PROS1: variants seen among roughly 807,000 people sequenced by gnomAD.
PROS1 encodes protein S.
In PROS1, 29 loss-of-function variants were observed where a neutral mutation model predicts 75.9. That is an observed-to-expected ratio of 0.38 (90% CI 0.28 to 0.52). PROS1 has a LOEUF of 0.52. PROS1 is among the 20% of genes least tolerant of loss of function. The pLI is 0.83. For synonymous variants in PROS1, 245 were observed against 280.6 expected (o/e 0.87, Z 1.27); for missense variants, 680 against 810.3 (o/e 0.84, Z 1.95).
At chr3:93,947,037 C>A (rs1053376907) in intron 1 of PROS1, among the ~76,000 whole-genome samples, 1 of 152,142 alleles carries the variant, frequency 6.6e-6, no homozygotes, top group African/African-American at 2.4e-5. Context: ...CAAAAGAAGA[C>A]ATTTATGCAG....
intron 3 of PROS1, among the ~76,000 whole-genome samples, chr3:93,919,806 G>T (rs1427079187): frequency 6.6e-6 from 1 of 152,046 alleles, no homozygotes; most frequent in Non-Finnish European, 1.5e-5. Context: ...TCTGCTAATA[G>T]CTGGCCATTC....
chr3:93,944,796 T>A (rs560772728), intron 1 of PROS1, among the ~76,000 whole-genome samples: 2 of 151,772 alleles, frequency 1.3e-5, no homozygotes, highest in South Asian at 4.2e-4. Flanking sequence ...AGGCAAGAAA[T>A]AACTAAGATC....
At chr3:93,957,117 ATATAT>A (rs905089386) in intron 1 of PROS1, among the ~76,000 whole-genome samples, 4 of 152,212 alleles carry the variant, frequency 2.6e-5, no homozygotes, top group Non-Finnish European at 5.9e-5. Context: ...TTTTGGTTAA[ATATAT>A]TATAATAAGC....
At position 93,873,154 on chromosome 3, in the gene PROS1, T is replaced by C. The variant is rs1708131734; in HGVS notation, c.*1091A>G. On this transcript the variant is annotated 3_prime_UTR_variant, in exon 15 of 15. Transcript: ENST00000394236. ...TTATTATAAGTGATATAAAATACAG[T>C]GAAAAGAATTTATTGTTAAAAACTG... 3 of 152,222 alleles carry C rather than the reference T, an allele frequency of 2.0e-5. No individual in the cohort carries two copies. The highest frequency in any genetic ancestry group is 1.9e-4 in the East Asian group (1 of 5,202). 9.4% of individuals were successfully genotyped at this position (152,222 alleles called of 1,614,324 possible).
intron 3 of PROS1, among the ~76,000 whole-genome samples, chr3:93,923,725 C>T (rs1351281746): frequency 1.3e-5 from 2 of 152,000 alleles, no homozygotes; most frequent in Non-Finnish European, 2.9e-5. Context: ...CATGGCGAAA[C>T]CCTGTCTCTA....
chr3:93,952,035 C>A (rs886802034), intron 1 of PROS1, among the ~76,000 whole-genome samples: 4 of 152,146 alleles, frequency 2.6e-5, no homozygotes, highest in African/African-American at 7.2e-5. Flanking sequence ...GAGCTAACAA[C>A]CCTAAATATA....
intron 1 of PROS1, among the ~76,000 whole-genome samples, chr3:93,957,989 G>A (rs548254668): frequency 1.0e-3 from 152 of 152,150 alleles, no homozygotes; most frequent in African/African-American, 3.6e-3. Context: ...TCAGGAGGCT[G>A]AGGCAGGAGA....
At position 93,951,683 on chromosome 3, in the gene PROS1, T is replaced by C. The variant is rs190469261; in HGVS notation, c.76+21991A>G. Among the ~76,000 whole-genome samples the C allele has an allele frequency of 2.4e-3, 372 of 152,244 alleles. 2 individuals carry two copies. The highest frequency in any genetic ancestry group is 8.4e-3 in the African/African-American group (350 of 41,548). On this transcript the variant is annotated intron_variant, in intron 1 of 14. Coordinates refer to ENST00000394236, the MANE Select transcript of PROS1 (RefSeq NM_000313.4). The stretch of plus-strand genomic sequence containing the variant: ...CCATCGATGCTAGGAAGAAACTGCA[T>C]CAGCTAACGAGCAAAATAAACAGTT...
intron 3 of PROS1, among the ~76,000 whole-genome samples, chr3:93,913,289 A>C (rs969675285): frequency 3.3e-5 from 5 of 152,304 alleles, no homozygotes; most frequent in African/African-American, 1.2e-4. Flanking sequence ...AATAATCCCC[A>C]TGTGTCAAGG....
At chr3:93,972,106 T>C (rs1458117765) in intron 1 of PROS1, among the ~76,000 whole-genome samples, 3 of 152,148 alleles carry the variant, frequency 2.0e-5, no homozygotes, top group Admixed American at 1.3e-4. Context: ...AATGTAACAA[T>C]CTCTACAAAG....
At chr3:93,884,056 A>G (rs1708311313) in intron 12 of PROS1, among the ~76,000 whole-genome samples, 1 of 152,232 alleles carries the variant, frequency 6.6e-6, no homozygotes, top group Admixed American at 6.5e-5. Flanking sequence ...GATTGATTCA[A>G]TCCCATTACT....
chr3:93,934,920 A>G, intron 1 of PROS1, among the ~76,000 whole-genome samples: 1 of 151,954 alleles, frequency 6.6e-6, no homozygotes. Context: ...ACTTCAATTT[A>G]CAGCCCCTTT....
chr3:93,928,164 G>A (rs1160080386), intron 1 of PROS1, among the ~76,000 whole-genome samples: 13 of 148,092 alleles, frequency 8.8e-5, no homozygotes, highest in Non-Finnish European at 1.6e-4. Flanking sequence ...ACTAGAATGC[G>A]CCACCACATA....
chr3:93,884,729 A>G lies in PROS1; in HGVS notation c.1491T>C (p.Tyr497=). Residue 497 remains tyrosine (Y), a splice_region_variant and synonymous_variant, in exon 12 of 15, where the codon TAT becomes TAC. Coordinates refer to ENST00000394236, the MANE Select transcript of PROS1 (RefSeq NM_000313.4). The part of the protein sequence containing the change: ...GSGIAQFHID[Y]NNVSSAEGWH... ...AGAGATAAATGGAAAATCACTTACT[A>G]TAATCTATGTGAAATTGAGCAATTC... The G allele has an allele frequency of 1.2e-6, 2 of 1,611,582 alleles. No homozygotes were observed. The highest frequency in any genetic ancestry group is 1.7e-6 in the Non-Finnish European group (2 of 1,177,956).
Position 93,973,888 on chromosome 3 carries a change from C to T in PROS1, c.-139G>A, listed in dbSNP as rs964399178. 2 of 587,534 alleles carry T rather than the reference C, an allele frequency of 3.4e-6. No individual in the cohort carries two copies. Among genetic ancestry groups the T allele is most frequent in the Non-Finnish European group, 5.2e-6 (2 of 384,518 alleles). 36.4% of individuals were successfully genotyped at this position (587,534 alleles called of 1,614,324 possible). A position where few individuals can be genotyped will look rare whatever the true frequency, so the allele number is the denominator to read the frequency against. ...GCGGCGCCAGCGACCCAGCGAGCCT[C>T]GGCGGAACAGCCGGGGGCGGAGGAG... is the stretch of plus-strand genomic sequence containing the variant. On this transcript the variant is annotated 5_prime_UTR_variant, in exon 1 of 15. Coordinates refer to ENST00000394236, the MANE Select transcript of PROS1 (RefSeq NM_000313.4).
At chr3:93,956,703 T>A (rs1167097312) in intron 1 of PROS1, among the ~76,000 whole-genome samples, 2 of 152,126 alleles carry the variant, frequency 1.3e-5, no homozygotes, top group East Asian at 1.9e-4. Flanking sequence ...GAGATTCCAG[T>A]ATTTGCCAAG....
At chr3:93,895,391 T>C (rs1708489564) in intron 9 of PROS1, among the ~76,000 whole-genome samples, 1 of 152,172 alleles carries the variant, frequency 6.6e-6, no homozygotes, top group Non-Finnish European at 1.5e-5. Flanking sequence ...TGCTCTGTGA[T>C]GTTAAAGGAA....
chr3:93,952,794 G>A (rs1159894833), intron 1 of PROS1, among the ~76,000 whole-genome samples: 3 of 152,122 alleles, frequency 2.0e-5, no homozygotes, highest in Non-Finnish European at 4.4e-5. Flanking sequence ...CCAAGAGCTG[G>A]CTTTTTGAAA....
chr3:93,927,915 A>ATATATATATGTGTATATATATATG (rs1485090082), intron 1 of PROS1, among the ~76,000 whole-genome samples: 1 of 135,076 alleles, frequency 7.4e-6, no homozygotes, highest in Non-Finnish European at 1.6e-5. Context: ...GTGTGTGTGT[A>ATATATATATGTGTATATATATATG]TATATATATG....
Sources: allele counts gnomAD v4.1 joint callset (sites outside exome capture counted in the v4.1 genomes callset), GRCh38; gene constraint gnomAD v4.1.1; transcripts MANE v1.5; gene names NCBI Gene and HGNC (gene_info 2026-07-23, HGNC 2026-07-21).